The following SLC4A10 variants were observed in gnomAD, a reference collection of about 807,000 sequenced individuals.
SLC4A10 encodes solute carrier family 4 member 10.
A neutral mutation model predicts 137.7 loss-of-function variants in SLC4A10; 42 were observed. The observed-to-expected ratio is 0.30, with a 90% CI of 0.24 to 0.39. SLC4A10 has a LOEUF of 0.39. Ranked by LOEUF, SLC4A10 falls within the 10% of genes least tolerant of loss-of-function variation. SLC4A10 has a pLI of 1.00. For missense variants in SLC4A10, 925 were observed against 1,355.0 expected, an observed-to-expected ratio of 0.68 and a Z score of 4.98; for synonymous variants, 474 against 464.1, an observed-to-expected ratio of 1.02 and a Z score of -0.27.
chr2:161,793,337 A>G (rs1039995748), intron 2 of SLC4A10, among the ~76,000 whole-genome samples: 3 of 152,118 alleles, frequency 2.0e-5, no homozygotes, highest in African/African-American at 7.2e-5. Context: ...CAGGAATACA[A>G]TATGTTATTA....
At chr2:161,963,952 C>G (rs1697160399) in intron 21 of SLC4A10, among the ~76,000 whole-genome samples, 183 bp from the exon 22 acceptor site, 2 of 152,110 alleles carry the variant, frequency 1.3e-5, no homozygotes, top group Admixed American at 1.3e-4. Flanking sequence ...TATTGTTTAA[C>G]TGAAATTGTA....
At chr2:161,822,190 T>C (rs1348762398) in intron 3 of SLC4A10, among the ~76,000 whole-genome samples, 1 of 152,192 alleles carries the variant, frequency 6.6e-6, no homozygotes, top group East Asian at 1.9e-4. Flanking sequence ...TTAACACTCA[T>C]GTACATAGCA....
At chr2:161,825,851 C>T (rs1342826624) in intron 3 of SLC4A10, among the ~76,000 whole-genome samples, 1 of 152,152 alleles carries the variant, frequency 6.6e-6, no homozygotes, top group East Asian at 1.9e-4. Flanking sequence ...TGTTTCATCT[C>T]ATGATCCTTT....
chr2:161,655,615 T>G (rs2105634962), intron 1 of SLC4A10, among the ~76,000 whole-genome samples: 1 of 152,246 alleles, frequency 6.6e-6, no homozygotes, highest in East Asian at 1.9e-4. Context: ...TAAGAAAGAA[T>G]TCATGACAAC....
At chr2:161,878,379 T>C (rs1222818588) in intron 8 of SLC4A10, among the ~76,000 whole-genome samples, 1 of 152,128 alleles carries the variant, frequency 6.6e-6, no homozygotes, top group African/African-American at 2.4e-5. Flanking sequence ...TTGATATTTA[T>C]TGTTAAGGAT....
chr2:161,855,858 G>T (rs1224363351), intron 5 of SLC4A10, among the ~76,000 whole-genome samples: 1 of 151,946 alleles, frequency 6.6e-6, no homozygotes, highest in African/African-American at 2.4e-5. Flanking sequence ...ACAAAGAAAA[G>T]AGGCAGTTGA....
At chr2:161,926,721 G>A (rs13428241) in intron 15 of SLC4A10, among the ~76,000 whole-genome samples, 40,308 of 143,966 alleles carry the variant, frequency 0.28, 1,667 homozygotes, top group Admixed American at 0.36. Flanking sequence ...CATGTTTAGT[G>A]CTTCCTTCAG....
intron 1 of SLC4A10, among the ~76,000 whole-genome samples, chr2:161,762,049 C>T (rs144629371): frequency 2.5e-3 from 378 of 152,122 alleles, no homozygotes; most frequent in African/African-American, 8.6e-3. Flanking sequence ...TAAATGAAAC[C>T]TAATTTGGTT....
chr2:161,919,016 C>G (rs945682810), intron 15 of SLC4A10, among the ~76,000 whole-genome samples: 1 of 152,218 alleles, frequency 6.6e-6, no homozygotes, highest in African/African-American at 2.4e-5. Flanking sequence ...GAAGCACTTG[C>G]TCCTGCTGTC....
chr2:161,680,878 CAGATG>C (rs1490949941), intron 1 of SLC4A10, among the ~76,000 whole-genome samples: 2 of 151,952 alleles, frequency 1.3e-5, no homozygotes, highest in Non-Finnish European at 2.9e-5. Context: ...CACAGTAACC[CAGATG>C]AGATGATGAG....
At chr2:161,740,510 A>G (rs1331523031) in intron 1 of SLC4A10, among the ~76,000 whole-genome samples, 2 of 152,216 alleles carry the variant, frequency 1.3e-5, no homozygotes, top group African/African-American at 4.8e-5. Context: ...TCATAGGGGT[A>G]GCTCTAATTA....
chr2:161,950,557 A>G, intron 18 of SLC4A10, 130 bp from the exon 19 acceptor site: 1 of 714,928 alleles, frequency 1.4e-6, no homozygotes, highest in Non-Finnish European at 2.3e-6. Context: ...GAGTATTATT[A>G]TTATTTATTA....
intron 1 of SLC4A10, among the ~76,000 whole-genome samples, chr2:161,666,597 A>G (rs2105753157): frequency 6.6e-6 from 1 of 151,874 alleles, no homozygotes; most frequent in Non-Finnish European, 1.5e-5. Flanking sequence ...CTCTAGATAC[A>G]TCTGACACCT....
chr2:161,854,874 A>G (rs748820604), intron 4 of SLC4A10, 96 bp from the exon 5 acceptor site: 275 of 1,228,454 alleles, frequency 2.2e-4, no homozygotes, highest in Non-Finnish European at 2.8e-4. Context: ...AAGACACAAT[A>G]TGACTATTTT....
intron 1 of SLC4A10, among the ~76,000 whole-genome samples, chr2:161,705,995 G>A (rs1206310766): frequency 2.0e-5 from 3 of 151,536 alleles, no homozygotes; most frequent in Non-Finnish European, 3.0e-5. Context: ...TAAATAATTT[G>A]TTTTAGAGCA....
chr2:161,890,263 C>T (rs193122354), intron 10 of SLC4A10, among the ~76,000 whole-genome samples: 21 of 151,906 alleles, frequency 1.4e-4, no homozygotes, highest in Admixed American at 7.9e-4. Context: ...ATGTATATTC[C>T]GTTGATTTGG....
intron 1 of SLC4A10, among the ~76,000 whole-genome samples, chr2:161,684,956 A>G (rs529128367): frequency 6.6e-6 from 1 of 152,258 alleles, no homozygotes; most frequent in South Asian, 2.1e-4. Flanking sequence ...GGGTCAGATG[A>G]TGTGTGCATA....
intron 1 of SLC4A10, among the ~76,000 whole-genome samples, chr2:161,660,605 T>TTCCTTTCC (rs1383749714): frequency 3.4e-4 from 41 of 120,292 alleles, no homozygotes; most frequent in Non-Finnish European, 5.0e-4. Context: ...TCTTTCTTTC[T>TTCCTTTCC]TTCTTTCTTT....
At position 161,882,257 on chromosome 2, in the gene SLC4A10, A is replaced by G. The variant is rs1319384268; in HGVS notation, c.1107-100A>G. On this transcript the variant is annotated intron_variant, in intron 9 of 26. Coordinates refer to ENST00000446997, the MANE Select transcript of SLC4A10 (RefSeq NM_001178015.2). ...AACTATGGAAGTATTTGCCATCACA[A>G]TCTCCATTTTCAGTAATTCCTTTGA... is the stretch of plus-strand genomic sequence containing the variant. 1.9e-5 allele frequency: 12 copies of G among 634,128 alleles called. No homozygotes were observed. The South Asian group carries it at 3.6e-4, about 19-fold the overall frequency. The allele number at this position is 634,128 out of a possible 1,614,324, so 39.3% of individuals were successfully genotyped here. A position where few individuals can be genotyped will look rare whatever the true frequency, so the allele number is the denominator to read the frequency against.
Sources: gnomAD v4.1 joint callset for allele counts (sites outside exome capture counted in the v4.1 genomes callset) on GRCh38, gnomAD v4.1.1 for gene constraint, MANE v1.5 for transcripts, NCBI Gene and HGNC (gene_info 2026-07-23, HGNC 2026-07-21) for gene names.